The following SEMA6D variants were observed in gnomAD, a reference collection of about 807,000 sequenced individuals.
The protein encoded by SEMA6D is semaphorin 6D.
A neutral mutation model predicts 106.6 loss-of-function variants in SEMA6D; 35 were observed. The ratio of observed to expected loss-of-function variants is 0.33; its 90% CI spans 0.25 to 0.44. The LOEUF (loss-of-function observed/expected upper bound fraction) is 0.44, where lower values mean the gene tolerates loss of function less well. SEMA6D is among the 20% of genes least tolerant of loss of function. The pLI, the probability that SEMA6D is intolerant of heterozygous loss-of-function variation, is 1.00. For synonymous variants in SEMA6D, 499 were observed against 487.7 expected, an observed-to-expected ratio of 1.02 and a Z score of -0.31; for missense variants, 1,185 against 1,345.9, an observed-to-expected ratio of 0.88 and a Z score of 1.87.
At chr15:47,424,314 A>T (rs996956084) in intron 2 of SEMA6D, among the ~76,000 whole-genome samples, 1 of 152,048 alleles carries the variant, frequency 6.6e-6, no homozygotes, top group African/African-American at 2.4e-5. Context: ...ATATATACAG[A>T]GCCGTAAGAT....
At chr15:47,386,746 C>G (rs1327330806) in intron 1 of SEMA6D, among the ~76,000 whole-genome samples, 1 of 152,150 alleles carries the variant, frequency 6.6e-6, no homozygotes, top group African/African-American at 2.4e-5. Context: ...GGTCATTTCC[C>G]CTTTCACTAG....
intron 1 of SEMA6D, among the ~76,000 whole-genome samples, chr15:47,185,377 C>T (rs186712108): frequency 1.1e-3 from 166 of 152,204 alleles, no homozygotes; most frequent in Middle Eastern, 3.4e-3. Flanking sequence ...CGGTATTTCC[C>T]CCATTGAAAT....
intron 1 of SEMA6D, among the ~76,000 whole-genome samples, chr15:47,756,076 T>C (rs1396388568): frequency 6.6e-6 from 1 of 152,028 alleles, no homozygotes; most frequent in Non-Finnish European, 1.5e-5. Context: ...TGGGAGAAGT[T>C]CATATAAAAT....
chr15:47,335,194 G>A (rs1014196695), intron 1 of SEMA6D, among the ~76,000 whole-genome samples: 1 of 152,104 alleles, frequency 6.6e-6, no homozygotes, highest in Admixed American at 6.6e-5. Flanking sequence ...TTTTGTGGAT[G>A]GGTATCATAA....
At chr15:47,465,901 T>G (rs57095371) in intron 2 of SEMA6D, among the ~76,000 whole-genome samples, 41,459 of 151,908 alleles carry the variant, frequency 0.27, 5,807 homozygotes, top group Middle Eastern at 0.44. Context: ...GCAATAATAT[T>G]ACCTATTGGT....
chr15:47,228,384 T>G (rs958968362), intron 1 of SEMA6D, among the ~76,000 whole-genome samples: 7 of 151,932 alleles, frequency 4.6e-5, no homozygotes, highest in African/African-American at 1.7e-4. Flanking sequence ...CTATGAGGAC[T>G]TAATAAACTA....
chr15:47,347,771 CT>C (rs1389821446), intron 1 of SEMA6D, among the ~76,000 whole-genome samples: 3 of 152,144 alleles, frequency 2.0e-5, no homozygotes, highest in Non-Finnish European at 1.5e-5. Context: ...CCCAGATTCA[CT>C]GGATCTCTCT....
At chr15:47,490,859 C>T (rs1031757694) in intron 3 of SEMA6D, among the ~76,000 whole-genome samples, 1 of 152,056 alleles carries the variant, frequency 6.6e-6, no homozygotes, top group Non-Finnish European at 1.5e-5. Flanking sequence ...TGAAAATATG[C>T]TCCATCTAAT....
At chr15:47,682,767 C>G (rs2078384598) in intron 4 of SEMA6D, among the ~76,000 whole-genome samples, 1 of 152,196 alleles carries the variant, frequency 6.6e-6, no homozygotes, top group Admixed American at 6.5e-5. Flanking sequence ...TCTAGTTAAA[C>G]TGACTACTCA....
At chr15:47,555,500 T>C (rs1324474466) in intron 3 of SEMA6D, among the ~76,000 whole-genome samples, 1 of 152,190 alleles carries the variant, frequency 6.6e-6, no homozygotes, top group Non-Finnish European at 1.5e-5. Flanking sequence ...GCAAGTAATA[T>C]GAACTAAGTG....
chr15:47,270,634 A>G (rs528883961), intron 1 of SEMA6D, among the ~76,000 whole-genome samples: 2 of 152,324 alleles, frequency 1.3e-5, no homozygotes, highest in Non-Finnish European at 2.9e-5. Context: ...GTCTTTTACT[A>G]TATTTGCTTT....
In SEMA6D at chr15:47,465,500, G is replaced by A. The variant is rs949509013; in HGVS notation, c.-158-4974G>A. Among the ~76,000 whole-genome samples the A allele has an allele frequency of 7.9e-5, 12 of 152,278 alleles. No individual in the cohort carries two copies. The East Asian group carries it at 2.3e-3, about 29-fold the overall frequency. On this transcript the variant is annotated intron_variant, in intron 2 of 19. Transcript: ENST00000558014. The stretch of plus-strand genomic sequence containing the variant: ...GTTCTAAACGCAGTTGATATGGTTT[G>A]GATTTGTGTCCCCACCCAAATCTCA...
Position 47,217,062 on chromosome 15 carries a change from G to A in SEMA6D, c.-239+32644G>A, listed in dbSNP as rs116766879. Among the ~76,000 whole-genome samples, 177 of 151,756 alleles carry A rather than the reference G, an allele frequency of 1.2e-3. 2 individuals carry two copies. Among genetic ancestry groups the A allele is most frequent in the African/African-American group, 4.2e-3 (171 of 41,034 alleles). On this transcript the variant is annotated intron_variant, in intron 1 of 19. Transcript: ENST00000558014. ...ATAAGGCACCCTCTACAGTCTAAGA[G>A]GCAGCAGGCCCTCACCAGACCTGAA...
chr15:47,771,795 G>A lies in SEMA6D; in HGVS notation c.*10G>A, dbSNP rs2082643143. The A allele has an allele frequency of 6.2e-7, 1 of 1,606,294 alleles. No homozygotes were observed. The highest frequency in any genetic ancestry group is 8.5e-7 in the Non-Finnish European group (1 of 1,175,500). ...CAAATACACATACTAGGCCTCAAGTGTGCTATTCCCATGTGGCTTTATCCT... is the reference window on the plus strand; with the variant it reads ...CAAATACACATACTAGGCCTCAAGTATGCTATTCCCATGTGGCTTTATCCT... On this transcript the variant is annotated 3_prime_UTR_variant, in exon 19 of 19. Coordinates refer to ENST00000536845, the MANE Select transcript of SEMA6D (RefSeq NM_001358351.3).
chr15:47,513,979 G>A (rs1338383991), intron 3 of SEMA6D, among the ~76,000 whole-genome samples: 1 of 152,210 alleles, frequency 6.6e-6, no homozygotes, highest in Non-Finnish European at 1.5e-5. Context: ...CTTGAAGAGG[G>A]ATGCAGCTCC....
chr15:47,246,347 TG>T (rs1477778977), intron 1 of SEMA6D, among the ~76,000 whole-genome samples: 2 of 151,960 alleles, frequency 1.3e-5, no homozygotes, highest in Non-Finnish European at 2.9e-5. Flanking sequence ...ATTCAGCCAG[TG>T]GGAGCTAAAG....
chr15:47,258,959 A>G (rs1315127016), intron 1 of SEMA6D, among the ~76,000 whole-genome samples: 2 of 150,904 alleles, frequency 1.3e-5, no homozygotes, highest in Non-Finnish European at 3.0e-5. Flanking sequence ...TTTCATCTTT[A>G]TTTATTTAAT....
rs543877341 is a variant in SEMA6D at position 47,398,785 on chromosome 15, C to T, written c.-238-13608C>T. Among the ~76,000 whole-genome samples the T allele has an allele frequency of 7.9e-5, 12 of 152,256 alleles. No individual in the cohort carries two copies. In the East Asian group the frequency reaches 1.4e-3, roughly 17 times the overall value. On this transcript the variant is annotated intron_variant, in intron 1 of 19. Coordinates refer to the SEMA6D transcript ENST00000558014. ...GTAGCTGTCATCACCCTCTCAGAAA[C>T]CAACCTGATGCCTTTGCCTTTCAAA...
chr15:47,608,243 A>G (rs747596659), intron 4 of SEMA6D, among the ~76,000 whole-genome samples: 1 of 152,212 alleles, frequency 6.6e-6, no homozygotes, highest in Non-Finnish European at 1.5e-5. Context: ...TCCATAGATT[A>G]CTGATTCATA....
Sources: allele counts gnomAD v4.1 joint callset (sites outside exome capture counted in the v4.1 genomes callset), GRCh38; gene constraint gnomAD v4.1.1; transcripts MANE v1.5; gene names NCBI Gene and HGNC (gene_info 2026-07-23, HGNC 2026-07-21).